Variants in TAFA5 observed in about 807,000 individuals in gnomAD.
TAFA5 encodes the protein chemokine-like protein TAFA-5.
Under a neutral mutation model 15.3 loss-of-function variants are expected in TAFA5, and 6 were observed. The observed-to-expected ratio is 0.39, with a 90% CI of 0.21 to 0.77. TAFA5 has a LOEUF of 0.77. Among genes scored for constraint, TAFA5 ranks in the 30% least tolerant of loss-of-function variants. The probability of loss-of-function intolerance (pLI) is 0.41; values close to 1 mark genes in which losing one functional copy is unlikely to be tolerated. For synonymous variants in TAFA5, 103 were observed against 80.7 expected (o/e 1.28, Z -1.48); for missense variants, 161 against 193.1 (o/e 0.83, Z 0.98).
At chr22:48,493,891 T>C (rs1044805661) in intron 1 of TAFA5, among the ~76,000 whole-genome samples, 5 of 152,212 alleles carry the variant, frequency 3.3e-5, no homozygotes, top group South Asian at 4.1e-4. Flanking sequence ...CTCCTGGTGA[T>C]CCTGGCGGTG....
At chr22:48,655,598 C>T (rs557998964) in intron 2 of TAFA5, among the ~76,000 whole-genome samples, 85 of 152,192 alleles carry the variant, frequency 5.6e-4, no homozygotes, top group Admixed American at 2.6e-3. Flanking sequence ...ACCTGAACAT[C>T]GGTCAAAGTG....
chr22:48,493,172 G>A (rs544564597), intron 1 of TAFA5, among the ~76,000 whole-genome samples: 201 of 152,332 alleles, frequency 1.3e-3, no homozygotes, highest in African/African-American at 4.6e-3. Flanking sequence ...AGGACACTCT[G>A]CACTAGCCTA....
At chr22:48,532,520 C>T (rs898308878) in intron 1 of TAFA5, among the ~76,000 whole-genome samples, 1 of 152,184 alleles carries the variant, frequency 6.6e-6, no homozygotes, top group African/African-American at 2.4e-5. Context: ...ATATTGGGAT[C>T]AGTCAACGAT....
At chr22:48,661,382 C>T (rs1436174281) in intron 2 of TAFA5, among the ~76,000 whole-genome samples, 1 of 152,220 alleles carries the variant, frequency 6.6e-6, no homozygotes, top group Non-Finnish European at 1.5e-5. Flanking sequence ...GTGTGCAGGC[C>T]TCGAACCCCG....
intron 1 of TAFA5, among the ~76,000 whole-genome samples, chr22:48,522,115 C>T (rs561923122): frequency 2.0e-4 from 30 of 152,292 alleles, no homozygotes; most frequent in South Asian, 6.2e-4. Flanking sequence ...ACAGCAAGGA[C>T]GTTGTTTTGT....
At chr22:48,500,560 A>G (rs777066079) in intron 1 of TAFA5, among the ~76,000 whole-genome samples, 24 of 152,192 alleles carry the variant, frequency 1.6e-4, no homozygotes, top group Non-Finnish European at 3.5e-4. Flanking sequence ...GGGGGTGTGG[A>G]AGGCGCCGGG....
At chr22:48,606,954 G>A (rs1483665229) in intron 1 of TAFA5, among the ~76,000 whole-genome samples, 1 of 144,082 alleles carries the variant, frequency 6.9e-6, no homozygotes, top group Non-Finnish European at 1.5e-5. Context: ...TCTGTGCCCA[G>A]GGCAAGCAGT....
intron 2 of TAFA5, among the ~76,000 whole-genome samples, chr22:48,703,326 G>A (rs745739622): frequency 2.0e-5 from 3 of 152,178 alleles, no homozygotes; most frequent in Non-Finnish European, 4.4e-5. Context: ...CCCGGACCCC[G>A]CCGTCCTTCC....
intron 1 of TAFA5, among the ~76,000 whole-genome samples, chr22:48,584,790 C>G (rs759022141): frequency 2.0e-5 from 3 of 149,502 alleles, no homozygotes; most frequent in South Asian, 2.1e-4. Flanking sequence ...ACGCTACATG[C>G]CACTCACCAC....
intron 1 of TAFA5, among the ~76,000 whole-genome samples, chr22:48,498,548 T>G (rs1920937402): frequency 6.6e-6 from 1 of 152,132 alleles, no homozygotes; most frequent in South Asian, 2.1e-4. Flanking sequence ...TTTCTGGACT[T>G]CTGCAGTGAC....
chr22:48,718,748 G>A (rs1179440871), intron 3 of TAFA5, among the ~76,000 whole-genome samples: 2 of 152,174 alleles, frequency 1.3e-5, no homozygotes, highest in African/African-American at 4.8e-5. Context: ...GTGACTGGGA[G>A]TTCCACCCCC....
intron 2 of TAFA5, among the ~76,000 whole-genome samples, chr22:48,698,093 ATGGTGGTGG>A (rs1242122487): frequency 1.5e-5 from 2 of 134,842 alleles, no homozygotes; most frequent in Non-Finnish European, 3.2e-5. Flanking sequence ...GGTGGTGATA[ATGGTGGTGG>A]TGGTGGTGGT....
At chr22:48,728,142 A>G (rs181290190) in intron 3 of TAFA5, among the ~76,000 whole-genome samples, 5 of 152,334 alleles carry the variant, frequency 3.3e-5, no homozygotes, top group East Asian at 1.9e-4. Context: ...CCAATTTTCA[A>G]TCATTGTTGA....
At chr22:48,665,797 A>G (rs1307321868) in intron 2 of TAFA5, among the ~76,000 whole-genome samples, 2 of 152,116 alleles carry the variant, frequency 1.3e-5, no homozygotes, top group Non-Finnish European at 2.9e-5. Flanking sequence ...TCACACGCAG[A>G]TTCCTATCTA....
At chr22:48,643,601 C>T (rs1173715993) in intron 1 of TAFA5, among the ~76,000 whole-genome samples, 1 of 152,194 alleles carries the variant, frequency 6.6e-6, no homozygotes, top group Non-Finnish European at 1.5e-5. Context: ...CCTGGCCGGT[C>T]GGGTAGCACC....
intron 1 of TAFA5, among the ~76,000 whole-genome samples, chr22:48,578,734 T>C (rs73890908): frequency 0.014 from 2,140 of 152,348 alleles, 50 homozygotes; most frequent in African/African-American, 0.047. Context: ...GGTTGAGCCC[T>C]GCTGCCTGTC....
chr22:48,519,464 A>T (rs995716726), intron 1 of TAFA5, among the ~76,000 whole-genome samples: 2 of 152,200 alleles, frequency 1.3e-5, no homozygotes, highest in African/African-American at 4.8e-5. Context: ...TCTCGCTGCC[A>T]CTGACCCTGG....
chr22:48,697,952 ATGATGATGG>A (rs770016240), intron 2 of TAFA5, among the ~76,000 whole-genome samples: 4 of 149,666 alleles, frequency 2.7e-5, no homozygotes, highest in South Asian at 2.1e-4. Flanking sequence ...GATGGTGAGG[ATGATGATGG>A]TGATGATGGT....
chr22:48,540,434 C>T (rs1017089864), intron 1 of TAFA5, among the ~76,000 whole-genome samples: 2 of 152,150 alleles, frequency 1.3e-5, no homozygotes, highest in Non-Finnish European at 2.9e-5. Flanking sequence ...GCCATGGGAA[C>T]GATGACCGAT....
Sources: gnomAD v4.1 joint callset for allele counts (sites outside exome capture counted in the v4.1 genomes callset) on GRCh38, gnomAD v4.1.1 for gene constraint, MANE v1.5 for transcripts, NCBI Gene and HGNC (gene_info 2026-07-23, HGNC 2026-07-21) for gene names.